The following CSNK1E variants were observed in gnomAD, a reference collection of about 807,000 sequenced individuals.
CSNK1E encodes the protein casein kinase I isoform epsilon.
A neutral mutation model predicts 46.1 loss-of-function variants in CSNK1E; 17 were observed. The ratio of observed to expected loss-of-function variants is 0.37; its 90% CI spans 0.25 to 0.55. CSNK1E has a LOEUF of 0.55. Ranked by LOEUF, CSNK1E falls within the 20% of genes least tolerant of loss-of-function variation. CSNK1E has a pLI of 0.82. For synonymous variants in CSNK1E, 241 were observed against 242.6 expected (o/e 0.99, Z 0.06); for missense variants, 386 against 595.4 (o/e 0.65, Z 3.66).
At position 38,298,229 on chromosome 22, in the gene CSNK1E, G is replaced by A; in HGVS notation, c.885+557C>T. ...CTTTTCCAGAAGAGATGTGAAACAA[G>A]ACATACAATTTCACAGATTCCAGAG... On this transcript the variant is annotated intron_variant, in intron 7 of 10. Transcript: ENST00000396832. The surrounding 1 kb of genome is among the most constrained non-coding windows in gnomAD (Gnocchi z 4.2). 2.3e-6 allele frequency: 3 copies of A among 1,298,504 alleles called. No homozygotes were observed. The highest frequency in any genetic ancestry group is 3.0e-6 in the Non-Finnish European group (3 of 984,844). The allele number at this position is 1,298,504 out of a possible 1,614,324, so 80.4% of individuals were successfully genotyped here. A position where few individuals can be genotyped will look rare whatever the true frequency, so the allele number is the denominator to read the frequency against.
intron 1 of CSNK1E, among the ~76,000 whole-genome samples, chr22:38,315,807 C>T (rs2092742465): frequency 6.6e-6 from 1 of 152,136 alleles, no homozygotes; most frequent in Non-Finnish European, 1.5e-5. Context: ...ATACCCGTGC[C>T]CTCTGTCTGG....
intron 2 of CSNK1E, among the ~76,000 whole-genome samples, chr22:38,308,522 C>A (rs1403177952): frequency 6.6e-6 from 1 of 152,148 alleles, no homozygotes; most frequent in Non-Finnish European, 1.5e-5. Flanking sequence ...CAAGGCACTT[C>A]ACCCCTCTGA....
chr22:38,308,567 A>G (rs1342757122), intron 2 of CSNK1E, among the ~76,000 whole-genome samples: 1 of 152,172 alleles, frequency 6.6e-6, no homozygotes. Context: ...CGATGACACT[A>G]TCTGGCTCAT....
intron 2 of CSNK1E, among the ~76,000 whole-genome samples, chr22:38,313,364 A>G (rs1373741496): frequency 6.6e-6 from 1 of 152,220 alleles, no homozygotes; most frequent in Non-Finnish European, 1.5e-5. Context: ...CACCAACACT[A>G]AATACCTTCC....
Position 38,300,350 on chromosome 22 carries a change from C to T in CSNK1E, c.566-285G>A, listed in dbSNP as rs1430897702. 6.6e-6 allele frequency among the ~76,000 whole-genome samples: 1 copy of T among 152,220 alleles called. No homozygotes were observed. The highest frequency in any genetic ancestry group is 1.5e-5 in the Non-Finnish European group (1 of 68,038). On this transcript the variant is annotated intron_variant, in intron 5 of 10. Coordinates refer to ENST00000396832, the MANE Select transcript of CSNK1E (RefSeq NM_152221.3). The surrounding 1 kb of genome is among the most constrained non-coding windows in gnomAD (Gnocchi z 4.4). ...CTACTGCCCCCTTGCCTGGCCCACC[C>T]CGTGGAGAGGTCACAAGCTTCAGCA...
At chr22:38,307,877 G>C (rs1235098991) in intron 2 of CSNK1E, among the ~76,000 whole-genome samples, 1 of 152,128 alleles carries the variant, frequency 6.6e-6, no homozygotes. Flanking sequence ...TGTATTTTTT[G>C]TAGACAGGGT....
chr22:38,298,235 C>A lies in CSNK1E; in HGVS notation c.885+551G>T. 1 of 1,295,138 alleles carries A rather than the reference C, an allele frequency of 7.7e-7. No homozygotes were observed. The allele number at this position is 1,295,138 out of a possible 1,614,324, so 80.2% of individuals were successfully genotyped here. ...CAGAAGAGATGTGAAACAAGACATA[C>A]AATTTCACAGATTCCAGAGCTCTGG... is the stretch of plus-strand genomic sequence containing the variant. On this transcript the variant is annotated intron_variant, in intron 7 of 10. Coordinates refer to ENST00000396832, the MANE Select transcript of CSNK1E (RefSeq NM_152221.3). This position sits in a 1 kb window ranked among gnomAD's most constrained non-coding sequence, Gnocchi z 4.2.
chr22:38,298,874 T>A lies in CSNK1E; in HGVS notation c.797A>T (p.Tyr266Phe). 1 of 1,612,946 alleles carries A rather than the reference T, an allele frequency of 6.2e-7. No homozygotes were observed. The change falls in exon 7 of 11, where the codon TAC (tyrosine) becomes TTC (phenylalanine). Residue 266 changes from tyrosine to phenylalanine, a missense_variant. Physicochemically the swap from Tyr to Phe is conservative, Grantham distance 22 (BLOSUM62 3). Transcript: ENST00000396832. The surrounding 1 kb of genome is among the most constrained non-coding windows in gnomAD (Gnocchi z 4.2). ...RSLRFDDKPD[Y>F]SYLRQLFRNL... Reference sequence around the variant, plus strand: ...GCGGAAGAGCTGACGTAGGTAAGAGTAGTCGGGCTTGTCGTCAAACCGCAG... The same window carrying A: ...GCGGAAGAGCTGACGTAGGTAAGAGAAGTCGGGCTTGTCGTCAAACCGCAG...
Position 38,303,109 on chromosome 22 carries a change from G to GCGCCCGCCGC in CSNK1E, c.187+19_187+28dup. The GCGCCCGCCGC allele has an allele frequency of 6.3e-7, 1 of 1,598,806 alleles. No homozygotes were observed. The highest frequency in any genetic ancestry group is 8.5e-7 in the Non-Finnish European group (1 of 1,173,820). ...ATGGCTGCCCACCGCCACCCACCCGGCGCCCGCCGCCGCCCACCCTGCGCT... is the reference window on the plus strand; with the variant it reads ...ATGGCTGCCCACCGCCACCCACCCGGCGCCCGCCGCCGCCCGCCGCCGCCCACCCTGCGCT... On this transcript the variant is annotated intron_variant, in intron 3 of 10. Transcript: ENST00000396832. The surrounding 1 kb of genome is among the most constrained non-coding windows in gnomAD (Gnocchi z 4.7).
intron 2 of CSNK1E, among the ~76,000 whole-genome samples, chr22:38,308,853 G>A (rs557524224): frequency 3.9e-5 from 6 of 152,138 alleles, no homozygotes; most frequent in African/African-American, 9.7e-5. Context: ...CAGGTGCAGC[G>A]GGAACCATGG....
rs2092649967 is a variant in CSNK1E, at chr22:38,298,013, A to C, written c.885+773T>G. 2.6e-6 allele frequency: 3 copies of C among 1,141,564 alleles called. No homozygotes were observed. Among genetic ancestry groups the C allele is most frequent in the Admixed American group, 4.6e-5 (1 of 21,944 alleles). 70.7% of individuals were successfully genotyped at this position (1,141,564 alleles called of 1,614,324 possible). A position where few individuals can be genotyped will look rare whatever the true frequency, so the allele number is the denominator to read the frequency against. ...GAGCCGGGCACCTGAAAGGGACAAA[A>C]AGCACAGCTGAGGCTCAGCCTCTTG... On this transcript the variant is annotated intron_variant, in intron 7 of 10. Transcript: ENST00000396832. The surrounding 1 kb of genome is among the most constrained non-coding windows in gnomAD (Gnocchi z 4.2).
rs190126263 is a variant in CSNK1E at position 38,312,091 on chromosome 22, A to C, written c.76+1991T>G. Among the ~76,000 whole-genome samples the C allele has an allele frequency of 3.9e-5, 6 of 152,112 alleles. No individual in the cohort carries two copies. In the East Asian group the frequency reaches 9.7e-4, roughly 25 times the overall value. ...AGTGCTGGGATTACAGGTGTGAGCC[A>C]TATCTCCTGGCCTCCTTTTTTTTGA... is the stretch of plus-strand genomic sequence containing the variant. On this transcript the variant is annotated intron_variant, in intron 2 of 10. Coordinates refer to ENST00000396832, the MANE Select transcript of CSNK1E (RefSeq NM_152221.3).
In CSNK1E at chr22:38,298,255, C is replaced by T. The variant is rs1194755996; in HGVS notation, c.885+531G>A. On this transcript the variant is annotated intron_variant, in intron 7 of 10. Coordinates refer to ENST00000396832, the MANE Select transcript of CSNK1E (RefSeq NM_152221.3). This position sits in a 1 kb window ranked among gnomAD's most constrained non-coding sequence, Gnocchi z 4.2. ...ACATACAATTTCACAGATTCCAGAG[C>T]TCTGGGTACGGCCGGCCAATGCTGC... 3.9e-6 allele frequency: 5 copies of T among 1,281,172 alleles called. No homozygotes were observed. In the East Asian group the frequency reaches 2.8e-4, roughly 72 times the overall value. The allele number at this position is 1,281,172 out of a possible 1,614,324, so 79.4% of individuals were successfully genotyped here. A position where few individuals can be genotyped will look rare whatever the true frequency, so the allele number is the denominator to read the frequency against.
At position 38,300,132 on chromosome 22, in the gene CSNK1E, GTC is replaced by G. The variant is rs1421543609; in HGVS notation, c.566-69_566-68del. 1.2e-5 allele frequency: 18 copies of G among 1,498,360 alleles called. No individual in the cohort carries two copies. The highest frequency in any genetic ancestry group is 1.5e-5 in the Non-Finnish European group (17 of 1,096,828). The allele number at this position is 1,498,360 out of a possible 1,614,324, so 92.8% of individuals were successfully genotyped here. A position where few individuals can be genotyped will look rare whatever the true frequency, so the allele number is the denominator to read the frequency against. On this transcript the variant is annotated intron_variant, in intron 5 of 10. Coordinates refer to ENST00000396832, the MANE Select transcript of CSNK1E (RefSeq NM_152221.3). The surrounding 1 kb of genome is among the most constrained non-coding windows in gnomAD (Gnocchi z 4.4). ...CTCAGGCCCCTAACTCATCCTCTGGGTCATGCTCCTCACAATGCACCAGGACC... is the reference window on the plus strand; with the variant it reads ...CTCAGGCCCCTAACTCATCCTCTGGGATGCTCCTCACAATGCACCAGGACC...
intron 7 of CSNK1E, chr22:38,296,420 C>T (rs1160364276): frequency 1.4e-5 from 20 of 1,436,442 alleles, no homozygotes; most frequent in African/African-American, 2.9e-5. Context: ...CAGCCAACAA[C>T]ACAGGGTGTC....
In CSNK1E at chr22:38,303,712, C is replaced by T. The variant is rs555639227; in HGVS notation, c.77-464G>A. 1.2e-3 allele frequency among the ~76,000 whole-genome samples: 178 copies of T among 152,254 alleles called. 1 individual carries two copies. The highest frequency in any genetic ancestry group is 1.7e-3 in the Non-Finnish European group (113 of 68,006). On this transcript the variant is annotated intron_variant, in intron 2 of 10. Coordinates refer to ENST00000396832, the MANE Select transcript of CSNK1E (RefSeq NM_152221.3). This position sits in a 1 kb window ranked among gnomAD's most constrained non-coding sequence, Gnocchi z 4.7. ...GCCTACAGGATGAGGATGGGACAGCCGCAGCAACCCCTCAGTCAATGCTGA... is the reference window on the plus strand; with the variant it reads ...GCCTACAGGATGAGGATGGGACAGCTGCAGCAACCCCTCAGTCAATGCTGA...
intron 10 of CSNK1E, chr22:38,292,224 T>C (rs1204638970): frequency 1.3e-5 from 2 of 152,152 alleles, no homozygotes; most frequent in Non-Finnish European, 1.5e-5. Context: ...TGACCTCAAG[T>C]GACCCACCTG....
intron 6 of CSNK1E, 61 bp downstream of exon 6, chr22:38,299,834 C>T: frequency 6.4e-7 from 1 of 1,571,514 alleles, no homozygotes; most frequent in East Asian, 2.3e-5. Flanking sequence ...ATGGCCTCAC[C>T]TTTCCCTTAG....
At chr22:38,307,307 T>G (rs2092702737) in intron 2 of CSNK1E, among the ~76,000 whole-genome samples, 1 of 151,932 alleles carries the variant, frequency 6.6e-6, no homozygotes, top group East Asian at 1.9e-4. Flanking sequence ...TGCCAGCATT[T>G]TGGGAGGCTG....
Sources: allele counts gnomAD v4.1 joint callset (sites outside exome capture counted in the v4.1 genomes callset), GRCh38; gene constraint gnomAD v4.1.1; non-coding constraint Gnocchi (gnomAD v3.1); transcripts MANE v1.5; gene names NCBI Gene and HGNC (gene_info 2026-07-23, HGNC 2026-07-21).